DMXL2: variants seen among roughly 807,000 people sequenced by gnomAD.
DMXL2 encodes Dmx like 2.
DMXL2 carries 103 observed loss-of-function variants against 331.1 expected under a neutral mutation model. The ratio of observed to expected loss-of-function variants is 0.31; its 90% CI spans 0.27 to 0.37. The LOEUF is 0.37. DMXL2 is among the 10% of genes least tolerant of loss of function. The pLI is 1.00. For synonymous variants in DMXL2, 1,281 were observed against 1,252.1 expected, an observed-to-expected ratio of 1.02 and a Z score of -0.49; for missense variants, 3,171 against 3,642.9, an observed-to-expected ratio of 0.87 and a Z score of 3.33.
At chr15:51,535,865 T>A in intron 12 of DMXL2, 81 bp from the exon 13 acceptor site, 2 of 1,457,842 alleles carry the variant, frequency 1.4e-6, no homozygotes, top group African/African-American at 1.4e-5. Context: ...AAACAAGTAT[T>A]CACATTTTTT....
chr15:51,547,686 G>GA (rs1207109820), intron 6 of DMXL2, among the ~76,000 whole-genome samples: 2 of 152,026 alleles, frequency 1.3e-5, no homozygotes, highest in Non-Finnish European at 2.9e-5. Context: ...GGTCAGTACA[G>GA]AAAAAAGATT....
rs2039883224 is a variant in DMXL2, at chr15:51,458,882, A to G, written c.7990-87T>C. The G allele has an allele frequency of 3.5e-6, 4 of 1,153,896 alleles. No individual in the cohort carries two copies. In the East Asian group the frequency reaches 9.5e-5, roughly 27 times the overall value. 71.5% of individuals were successfully genotyped at this position (1,153,896 alleles called of 1,614,324 possible). ...ATCCCATAAGATTTAAATGTAGGATAAGAAGAAAATGTAGCAGCAGCAGCA... is the reference window on the plus strand; with the variant it reads ...ATCCCATAAGATTTAAATGTAGGATGAGAAGAAAATGTAGCAGCAGCAGCA... On this transcript the variant is annotated intron_variant, in intron 34 of 43. Coordinates refer to ENST00000560891, the MANE Select transcript of DMXL2 (RefSeq NM_001378457.1).
At position 51,572,024 on chromosome 15, in the gene DMXL2, AT is replaced by A. The variant is rs776974319; in HGVS notation, c.214-3467del. Among the ~76,000 whole-genome samples the A allele has an allele frequency of 2.6e-5, 4 of 152,322 alleles. No individual in the cohort carries two copies. The South Asian group carries it at 8.3e-4, about 32-fold the overall frequency. On this transcript the variant is annotated intron_variant, in intron 2 of 43. Transcript: ENST00000560891. ...CTGGTTTTTTGAAAAGATTAACAAA[AT>A]ACATAGACCACTAGCCAGACTAATA...
chr15:51,553,235 G>A (rs1048196799), intron 6 of DMXL2, among the ~76,000 whole-genome samples: 9 of 152,088 alleles, frequency 5.9e-5, no homozygotes, highest in African/African-American at 1.9e-4. Flanking sequence ...TCATAAGACT[G>A]CCAGCACACA....
At chr15:51,483,206 G>A (rs1185008840) in intron 23 of DMXL2, among the ~76,000 whole-genome samples, 3 of 152,194 alleles carry the variant, frequency 2.0e-5, no homozygotes, top group Non-Finnish European at 4.4e-5. Context: ...CCCAGATTAG[G>A]AGCATAAGGT....
intron 29 of DMXL2, 39 bp downstream of exon 29, chr15:51,471,184 T>C (rs370153025): frequency 7.1e-5 from 111 of 1,572,952 alleles, no homozygotes; most frequent in South Asian, 1.3e-4. Flanking sequence ...AAATAGATGA[T>C]AGACTTCTCT....
At chr15:51,560,987 G>C (rs1457641839) in intron 6 of DMXL2, among the ~76,000 whole-genome samples, 1 of 114,120 alleles carries the variant, frequency 8.8e-6, no homozygotes, top group Admixed American at 8.9e-5. Context: ...GAAATATTTT[G>C]TAATTTAAAA....
intron 29 of DMXL2, 49 bp downstream of exon 29, chr15:51,471,174 A>C (rs997818121): frequency 3.2e-6 from 5 of 1,544,514 alleles, no homozygotes; most frequent in Non-Finnish European, 4.4e-6. Context: ...AGAGTTAATA[A>C]AATAGATGAT....
At chr15:51,489,464 C>T (rs1457147507) in intron 20 of DMXL2, among the ~76,000 whole-genome samples, 1 of 152,066 alleles carries the variant, frequency 6.6e-6, no homozygotes, top group Non-Finnish European at 1.5e-5. Context: ...CGAGGGCAGT[C>T]TGGCCAACGT....
At chr15:51,555,055 G>A (rs1195196429) in intron 6 of DMXL2, among the ~76,000 whole-genome samples, 3 of 152,158 alleles carry the variant, frequency 2.0e-5, no homozygotes, top group African/African-American at 7.2e-5. Flanking sequence ...TCACTTGGGA[G>A]GCTGAGGCAC....
rs572683649 is a variant in DMXL2, at chr15:51,540,850, A to G, written c.1105+1483T>C. The stretch of plus-strand genomic sequence containing the variant: ...GTGAAGGTTAGTAAAGAAGATGGGG[A>G]AGACCAAGGCCCAATGGCTACAAGA... On this transcript the variant is annotated intron_variant, in intron 9 of 43. Coordinates refer to ENST00000560891, the MANE Select transcript of DMXL2 (RefSeq NM_001378457.1). 9.5e-4 allele frequency among the ~76,000 whole-genome samples: 145 copies of G among 152,290 alleles called. 1 individual carries two copies. Among genetic ancestry groups the G allele is most frequent in the Admixed American group, 1.0e-3 (16 of 15,296 alleles).
At chr15:51,509,434 C>T (rs1390287666) in intron 15 of DMXL2, among the ~76,000 whole-genome samples, 21 of 152,154 alleles carry the variant, frequency 1.4e-4, no homozygotes, top group Non-Finnish European at 1.5e-5. Context: ...AACACCTCTA[C>T]ACAAATAAAC....
At chr15:51,556,597 A>C (rs912991614) in intron 6 of DMXL2, among the ~76,000 whole-genome samples, 1 of 151,894 alleles carries the variant, frequency 6.6e-6, no homozygotes, top group African/African-American at 2.4e-5. Context: ...AAATGGTGAA[A>C]CTTCATCTCT....
chr15:51,502,985 C>T lies in DMXL2; in HGVS notation c.2813G>A (p.Gly938Glu). Residue 938 changes from glycine (G) to glutamate (E), a missense_variant, in exon 17 of 44, where the codon GGA becomes GAA. Coordinates refer to ENST00000560891, the MANE Select transcript of DMXL2 (RefSeq NM_001378457.1). ...TGGAGAAGAATCTACGTTCTTCTGT[C>T]CAGGGACTGAAAGTAGACTCTCAGA... ...ASSESLLSVP[G>E]QKNVDSSPET... 1 of 1,613,878 alleles carries T rather than the reference C, an allele frequency of 6.2e-7. No homozygotes were observed. Among genetic ancestry groups the T allele is most frequent in the Non-Finnish European group, 8.5e-7 (1 of 1,179,828 alleles).
chr15:51,608,501 A>C (rs954478620), intron 1 of DMXL2, among the ~76,000 whole-genome samples: 7 of 152,234 alleles, frequency 4.6e-5, no homozygotes, highest in Non-Finnish European at 1.0e-4. Context: ...CAGAAACAGA[A>C]AACCAAATAC....
At chr15:51,504,752 T>C (rs1019511749) in intron 16 of DMXL2, among the ~76,000 whole-genome samples, 1 of 152,060 alleles carries the variant, frequency 6.6e-6, no homozygotes, top group African/African-American at 2.4e-5. Context: ...GAAGACAGAG[T>C]CCCACTCCTG....
intron 1 of DMXL2, among the ~76,000 whole-genome samples, chr15:51,596,072 G>T: frequency 6.6e-6 from 1 of 152,244 alleles, no homozygotes; most frequent in South Asian, 2.1e-4. Flanking sequence ...TGACAAAAGG[G>T]ATCTAATTAA....
chr15:51,519,637 T>C (rs12901990), intron 13 of DMXL2, among the ~76,000 whole-genome samples: 1 of 119,950 alleles, frequency 8.3e-6, no homozygotes, highest in Non-Finnish European at 1.7e-5. Context: ...AAGTCTCTTG[T>C]TTTTTTTTTT....
rs1270033343 is a variant in DMXL2, at chr15:51,499,510, C to G, written c.3714G>C (p.Leu1238Phe). Residue 1238 changes from leucine to phenylalanine, a missense_variant, in exon 18 of 44, where the codon TTG becomes TTC. This residue lies in a region of DMXL2 where 1,674 missense variants were observed against 1,780.2 expected (regional missense o/e 0.94). Coordinates refer to ENST00000560891, the MANE Select transcript of DMXL2 (RefSeq NM_001378457.1). The stretch of plus-strand genomic sequence containing the variant: ...AAGGAGTACCATCAACAGAAGATAC[C>G]AAGTCTATAGATCTAAGAAGAACCC... ...SRWVLLRSIDLVSSVDGTPSL... is the reference protein window; with the variant it reads ...SRWVLLRSIDFVSSVDGTPSL... 6.2e-7 allele frequency: 1 copy of G among 1,614,034 alleles called. No homozygotes were observed. The highest frequency in any genetic ancestry group is 8.5e-7 in the Non-Finnish European group (1 of 1,179,994).
Sources: allele counts gnomAD v4.1 joint callset (sites outside exome capture counted in the v4.1 genomes callset), GRCh38; gene constraint gnomAD v4.1.1; regional missense constraint gnomAD v4.1.1; transcripts MANE v1.5; gene names NCBI Gene and HGNC (gene_info 2026-07-23, HGNC 2026-07-21).